RANBP2: variants seen among roughly 807,000 people sequenced by gnomAD.
RANBP2 encodes E3 SUMO-protein ligase RanBP2.
In RANBP2, 57 loss-of-function variants were observed where a neutral mutation model predicts 303.6. The ratio of observed to expected loss-of-function variants is 0.19; its 90% CI spans 0.15 to 0.23. The LOEUF is 0.23. Among genes scored for constraint, RANBP2 ranks in the 10% least tolerant of loss-of-function variants. The pLI, the probability that RANBP2 is intolerant of heterozygous loss-of-function variation, is 1.00. For missense variants in RANBP2, 3,138 were observed against 3,780.8 expected, an observed-to-expected ratio of 0.83 and a Z score of 4.46; for synonymous variants, 1,167 against 1,301.5, an observed-to-expected ratio of 0.90 and a Z score of 2.23.
chr2:108,910,410 A>G, the RANBP2 span: 3 of 1,476,484 alleles, frequency 2.0e-6, no homozygotes, highest in Admixed American at 3.4e-5. Context: ...CTCCCTGCTC[A>G]GGATCCACAG....
the RANBP2 span, among the ~76,000 whole-genome samples, chr2:109,622,067 G>A: frequency 6.6e-6 from 1 of 152,124 alleles, no homozygotes; most frequent in African/African-American, 2.4e-5. Flanking sequence ...AGACTAAGAC[G>A]GCTAAGACTT....
chr2:109,052,566 A>T, the RANBP2 span, among the ~76,000 whole-genome samples: 7 of 152,240 alleles, frequency 4.6e-5, no homozygotes, highest in African/African-American at 1.7e-4. Context: ...AAAGGCAAAC[A>T]TTCCAAAAAT....
chr2:108,986,251 A>G, the RANBP2 span, among the ~76,000 whole-genome samples: 2 of 152,128 alleles, frequency 1.3e-5, no homozygotes, highest in African/African-American at 4.8e-5. Context: ...AAAACTACAA[A>G]CACTCTAACT....
the RANBP2 span, among the ~76,000 whole-genome samples, chr2:109,579,698 T>C: frequency 7.2e-5 from 11 of 151,882 alleles, no homozygotes; most frequent in Admixed American, 3.3e-4. Flanking sequence ...CTGATTTTCA[T>C]TGGTTAGTTC....
At chr2:108,968,444 G>T in the RANBP2 span, among the ~76,000 whole-genome samples, 1 of 152,124 alleles carries the variant, frequency 6.6e-6, no homozygotes, top group African/African-American at 2.4e-5. Flanking sequence ...GTTCATTATG[G>T]GGAGGTTTGT....
the RANBP2 span, among the ~76,000 whole-genome samples, chr2:109,154,770 T>C: frequency 6.6e-6 from 1 of 151,962 alleles, no homozygotes. Flanking sequence ...AGTCTCAGAG[T>C]GTATGTGTTT....
chr2:108,962,253 C>T, the RANBP2 span, among the ~76,000 whole-genome samples: 34 of 152,190 alleles, frequency 2.2e-4, no homozygotes, highest in Non-Finnish European at 3.4e-4. Flanking sequence ...TGTGAACCAA[C>T]GTTCATTCGC....
chr2:109,020,081 T>C, the RANBP2 span, among the ~76,000 whole-genome samples: 57 of 152,330 alleles, frequency 3.7e-4, no homozygotes, highest in African/African-American at 1.3e-3. Context: ...TCTTGCACTA[T>C]TTTTCTTCTG....
At chr2:109,342,985 G>A in the RANBP2 span, among the ~76,000 whole-genome samples, 64 of 152,116 alleles carry the variant, frequency 4.2e-4, no homozygotes, top group African/African-American at 1.4e-3. Flanking sequence ...AAATAATGGC[G>A]GCTTAGTGAC....
the RANBP2 span, among the ~76,000 whole-genome samples, chr2:109,597,592 T>G: frequency 1.3e-5 from 2 of 152,202 alleles, no homozygotes; most frequent in South Asian, 4.1e-4. Context: ...TCAATTTGCT[T>G]TTCCTGTAGC....
At chr2:108,893,830 T>C in the RANBP2 span, among the ~76,000 whole-genome samples, 1 of 152,216 alleles carries the variant, frequency 6.6e-6, no homozygotes, top group Non-Finnish European at 1.5e-5. Context: ...GATAATTGTC[T>C]CAAAATAATT....
chr2:109,739,510 T>A, the RANBP2 span, among the ~76,000 whole-genome samples: 3 of 152,330 alleles, frequency 2.0e-5, no homozygotes, highest in African/African-American at 7.2e-5. Flanking sequence ...CTTTTTTAAT[T>A]TCTTTTTTCA....
At chr2:109,117,858 C>T in the RANBP2 span, among the ~76,000 whole-genome samples, 1 of 152,224 alleles carries the variant, frequency 6.6e-6, no homozygotes, top group South Asian at 2.1e-4. Flanking sequence ...ACCTTGCCCA[C>T]ACTCATCAGA....
intron 13 of RANBP2, 119 bp downstream of exon 13, chr2:108,753,278 T>C: frequency 1.2e-6 from 2 of 1,604,800 alleles, no homozygotes; most frequent in Non-Finnish European, 1.7e-6. Flanking sequence ...TCTTGTTTTC[T>C]AAATTCACTA....
chr2:109,394,898 C>T, the RANBP2 span, among the ~76,000 whole-genome samples: 2 of 152,224 alleles, frequency 1.3e-5, no homozygotes, highest in African/African-American at 4.8e-5. Context: ...AGTGTGGCTG[C>T]TCCTAATGGG....
At chr2:108,734,488 G>GT (rs1434648366) in intron 4 of RANBP2, among the ~76,000 whole-genome samples, 1 of 151,362 alleles carries the variant, frequency 6.6e-6, no homozygotes, top group Non-Finnish European at 1.5e-5. Context: ...CAGTTTGGGG[G>GT]TTCTTCTGAG....
the RANBP2 span, among the ~76,000 whole-genome samples, chr2:109,360,796 G>T: frequency 6.6e-6 from 1 of 152,096 alleles, no homozygotes; most frequent in Non-Finnish European, 1.5e-5. Context: ...CTCCCAATCT[G>T]TACACTTTTA....
At chr2:108,869,460 A>T in the RANBP2 span, among the ~76,000 whole-genome samples, 2 of 152,174 alleles carry the variant, frequency 1.3e-5, no homozygotes, top group Non-Finnish European at 1.5e-5. Flanking sequence ...TGCCTCGTTC[A>T]GGGCACATAC....
chr2:108,906,363 T>G, the RANBP2 span: 1 of 1,614,180 alleles, frequency 6.2e-7, no homozygotes, highest in East Asian at 2.2e-5. Flanking sequence ...TCCTCCGGCT[T>G]TGAATCTGTG....
Sources: gnomAD v4.1 joint callset for allele counts (sites outside exome capture counted in the v4.1 genomes callset) on GRCh38, gnomAD v4.1.1 for gene constraint, MANE v1.5 for transcripts, NCBI Gene and HGNC (gene_info 2026-07-23, HGNC 2026-07-21) for gene names.